The following GRIA1 variants were observed in gnomAD, a reference collection of about 807,000 sequenced individuals.
GRIA1 encodes the protein glutamate ionotropic receptor AMPA type subunit 1.
Under a neutral mutation model 99.2 loss-of-function variants are expected in GRIA1, and 31 were observed. The observed-to-expected ratio is 0.31, with a 90% CI of 0.23 to 0.42. The LOEUF is 0.42. GRIA1 is among the 10% of genes least tolerant of loss of function. The pLI is 1.00. For synonymous variants in GRIA1, 438 were observed against 432.4 expected, an observed-to-expected ratio of 1.01 and a Z score of -0.16; for missense variants, 782 against 1,157.5, an observed-to-expected ratio of 0.68 and a Z score of 4.71.
chr5:153,742,394 T>G (rs1249570512), intron 11 of GRIA1, among the ~76,000 whole-genome samples: 1 of 152,196 alleles, frequency 6.6e-6, no homozygotes, highest in East Asian at 1.9e-4. Context: ...TTATTCATTT[T>G]CCATCACTGC....
chr5:153,558,673 A>G (rs1184555155), intron 2 of GRIA1, among the ~76,000 whole-genome samples: 2 of 152,190 alleles, frequency 1.3e-5, no homozygotes, highest in Non-Finnish European at 2.9e-5. Context: ...AATTTGGGGC[A>G]TTTATAATGA....
chr5:153,492,391 G>A, intron 1 of GRIA1: 1 of 1,290,630 alleles, frequency 7.7e-7, no homozygotes, highest in Non-Finnish European at 1.0e-6. Flanking sequence ...CCAGCCCGTA[G>A]CCTTCTACTC....
chr5:153,801,957 G>C (rs944859684), intron 14 of GRIA1, among the ~76,000 whole-genome samples: 18 of 145,594 alleles, frequency 1.2e-4, no homozygotes, highest in Non-Finnish European at 1.5e-5. Flanking sequence ...TGGGGCGGGG[G>C]GGGGCGGGGG....
At chr5:153,501,812 A>G (rs957500892) in intron 2 of GRIA1, among the ~76,000 whole-genome samples, 2 of 152,188 alleles carry the variant, frequency 1.3e-5, no homozygotes, top group Admixed American at 1.3e-4. Flanking sequence ...CTGTGTGCCC[A>G]TGGGCATTCC....
At chr5:153,750,517 T>A (rs1308197386) in intron 11 of GRIA1, among the ~76,000 whole-genome samples, 2 of 152,120 alleles carry the variant, frequency 1.3e-5, no homozygotes, top group African/African-American at 4.8e-5. Flanking sequence ...TTGTCAGAGA[T>A]GTCCTAGAGG....
chr5:153,696,938 A>G (rs1758157181), intron 8 of GRIA1, among the ~76,000 whole-genome samples: 1 of 151,960 alleles, frequency 6.6e-6, no homozygotes, highest in Non-Finnish European at 1.5e-5. Context: ...TGTTGCCTTG[A>G]GGTGTAGTCT....
chr5:153,550,562 A>G (rs542183195), intron 2 of GRIA1, among the ~76,000 whole-genome samples: 50 of 152,328 alleles, frequency 3.3e-4, no homozygotes, highest in Non-Finnish European at 6.6e-4. Context: ...GGAAAAAACC[A>G]TATTTGCAAC....
chr5:153,626,472 G>C (rs1283584122), intron 2 of GRIA1, among the ~76,000 whole-genome samples: 1 of 150,692 alleles, frequency 6.6e-6, no homozygotes, highest in East Asian at 1.9e-4. Context: ...GTGTGTGTGT[G>C]TGTGTGTGTG....
chr5:153,808,880 G>A (rs1766618402), intron 15 of GRIA1, among the ~76,000 whole-genome samples: 1 of 152,200 alleles, frequency 6.6e-6, no homozygotes. Context: ...CTAATGATGT[G>A]ACCTTCGAGA....
intron 11 of GRIA1, among the ~76,000 whole-genome samples, chr5:153,750,214 A>T (rs765082534): frequency 8.1e-4 from 124 of 152,306 alleles, no homozygotes; most frequent in Non-Finnish European, 1.1e-3. Flanking sequence ...CTCGATGCCC[A>T]GTATCAAGTG....
intron 2 of GRIA1, among the ~76,000 whole-genome samples, chr5:153,579,387 C>T (rs1012799837): frequency 6.6e-6 from 1 of 152,052 alleles, no homozygotes; most frequent in African/African-American, 2.4e-5. Flanking sequence ...GTTATTTAAC[C>T]TCAAGAAATA....
intron 2 of GRIA1, among the ~76,000 whole-genome samples, chr5:153,526,665 T>G (rs1581176557): frequency 6.6e-6 from 1 of 152,238 alleles, no homozygotes; most frequent in South Asian, 2.1e-4. Flanking sequence ...ATTTGGTATG[T>G]TAAAAATACT....
In GRIA1 at chr5:153,514,175, G is replaced by A. The variant is rs140491635; in HGVS notation, c.220+20110G>A. ...ACTGTGCCTTTCTGCAACCATTATT[G>A]CCCATAACCCATCATGTTGTGATGC... On this transcript the variant is annotated intron_variant, in intron 2 of 15. Transcript: ENST00000285900. 6.0e-3 allele frequency among the ~76,000 whole-genome samples: 915 copies of A among 152,270 alleles called. 7 individuals are homozygous for A. The highest frequency in any genetic ancestry group is 0.021 in the African/African-American group (877 of 41,548).
chr5:153,602,395 G>C (rs1286259745), intron 2 of GRIA1, among the ~76,000 whole-genome samples: 1 of 151,668 alleles, frequency 6.6e-6, no homozygotes, highest in Non-Finnish European at 1.5e-5. Context: ...TGGGGGGAGT[G>C]GGGAGGGATA....
chr5:153,732,653 A>G (rs1761118912), intron 11 of GRIA1, among the ~76,000 whole-genome samples: 1 of 92,476 alleles, frequency 1.1e-5, no homozygotes, highest in African/African-American at 4.5e-5. Flanking sequence ...TGGTTTGCAA[A>G]TGTTTTCTCC....
At chr5:153,807,393 G>T (rs1285147538) in intron 15 of GRIA1, among the ~76,000 whole-genome samples, 6 of 152,206 alleles carry the variant, frequency 3.9e-5, no homozygotes, top group Non-Finnish European at 7.3e-5. Flanking sequence ...TGAAAAAAAT[G>T]CCCAGTGCTG....
At chr5:153,602,150 A>G (rs192359748) in intron 2 of GRIA1, among the ~76,000 whole-genome samples, 63 of 152,354 alleles carry the variant, frequency 4.1e-4, no homozygotes, top group African/African-American at 1.5e-3. Context: ...ACAATGATAG[A>G]CTGGATTAAG....
intron 14 of GRIA1, among the ~76,000 whole-genome samples, chr5:153,801,783 A>T (rs1040823783): frequency 8.5e-5 from 13 of 152,158 alleles, no homozygotes; most frequent in Non-Finnish European, 1.5e-4. Flanking sequence ...GTAAGTTAAC[A>T]TATATATCAG....
intron 2 of GRIA1, among the ~76,000 whole-genome samples, chr5:153,523,014 A>G (rs1241819167): frequency 1.3e-5 from 1 of 74,164 alleles, no homozygotes; most frequent in Non-Finnish European, 3.2e-5. Context: ...CTTGTTCCTG[A>G]TATCTCTCTC....
Sources: gnomAD v4.1 joint callset for allele counts (sites outside exome capture counted in the v4.1 genomes callset) on GRCh38, gnomAD v4.1.1 for gene constraint, MANE v1.5 for transcripts, NCBI Gene and HGNC (gene_info 2026-07-23, HGNC 2026-07-21) for gene names.